PTPRG: variants seen among roughly 807,000 people sequenced by gnomAD.
PTPRG encodes receptor-type tyrosine-protein phosphatase gamma.
Under a neutral mutation model 165.3 loss-of-function variants are expected in PTPRG, and 102 were observed. The ratio of observed to expected loss-of-function variants is 0.62; its 90% CI spans 0.53 to 0.73. The LOEUF (loss-of-function observed/expected upper bound fraction) is 0.73, where lower values mean the gene tolerates loss of function less well. Ranked by LOEUF, PTPRG falls within the 30% of genes least tolerant of loss-of-function variation. PTPRG has a pLI of 0.00. For synonymous variants in PTPRG, 675 were observed against 669.5 expected (o/e 1.01, Z -0.13); for missense variants, 1,866 against 1,861.4 (o/e 1.00, Z -0.05).
Position 62,262,805 on chromosome 3 carries a change from A to G in PTPRG, c.2567A>G (p.Gln856Arg), listed in dbSNP as rs1576191169. 2 of 1,611,780 alleles carry G rather than the reference A, an allele frequency of 1.2e-6. No homozygotes were observed. The highest frequency in any genetic ancestry group is 1.1e-5 in the South Asian group (1 of 90,712). ...HGFSEDFEEVQRCTADMNITA... is the reference protein window; with the variant it reads ...HGFSEDFEEVRRCTADMNITA... ...TGCTGTTTTCTTCACTAGGAAGTCC[A>G]GCGCTGTACTGCTGATATGAACATC... The change falls in exon 17 of 30, where the codon CAG (glutamine) becomes CGG (arginine). Residue 856 changes from glutamine to arginine, a missense_variant. Transcript: ENST00000474889.
chr3:61,963,490 C>T (rs980053786), intron 2 of PTPRG, among the ~76,000 whole-genome samples: 7 of 152,082 alleles, frequency 4.6e-5, no homozygotes, highest in African/African-American at 9.7e-5. Context: ...TGCTTTTATA[C>T]TTGCGGATGC....
chr3:62,096,251 T>C (rs540945463), intron 5 of PTPRG, among the ~76,000 whole-genome samples: 11 of 152,284 alleles, frequency 7.2e-5, no homozygotes, highest in African/African-American at 2.6e-4. Flanking sequence ...AGCATGCATT[T>C]GAACCAACTT....
intron 1 of PTPRG, among the ~76,000 whole-genome samples, chr3:61,708,848 T>C (rs551628628): frequency 2.0e-5 from 3 of 152,342 alleles, no homozygotes; most frequent in East Asian, 1.9e-4. Context: ...TGGAAACTTA[T>C]ATTTCATGTG....
intron 1 of PTPRG, chr3:61,742,523 T>C: frequency 6.3e-7 from 1 of 1,598,500 alleles, no homozygotes; most frequent in Non-Finnish European, 8.5e-7. Flanking sequence ...TGCCAGTTTT[T>C]CTTGAGCAAT....
intron 4 of PTPRG, among the ~76,000 whole-genome samples, chr3:62,039,219 G>A (rs1700048029): frequency 6.6e-6 from 1 of 151,344 alleles, no homozygotes; most frequent in Non-Finnish European, 1.5e-5. Context: ...ATAAGCGTGA[G>A]CCACCACCCC....
chr3:61,568,090 G>T (rs1376841657), intron 1 of PTPRG, among the ~76,000 whole-genome samples: 1 of 151,872 alleles, frequency 6.6e-6, no homozygotes, highest in African/African-American at 2.4e-5. Context: ...AACTATACTT[G>T]TGTAAAAAAG....
At chr3:61,899,408 A>T (rs1559677232) in intron 2 of PTPRG, among the ~76,000 whole-genome samples, 1 of 152,178 alleles carries the variant, frequency 6.6e-6, no homozygotes, top group Non-Finnish European at 1.5e-5. Flanking sequence ...TCAGGAAAAA[A>T]TCCAAAATGA....
chr3:61,859,567 A>C (rs188245471), intron 2 of PTPRG, among the ~76,000 whole-genome samples: 2 of 151,152 alleles, frequency 1.3e-5, no homozygotes, highest in East Asian at 3.9e-4. Context: ...GACAATTGAC[A>C]CAAGGAGAGT....
chr3:61,957,033 G>C (rs1375434590), intron 2 of PTPRG, among the ~76,000 whole-genome samples: 1 of 152,122 alleles, frequency 6.6e-6, no homozygotes, highest in East Asian at 1.9e-4. Flanking sequence ...TCTTTCCCTT[G>C]TATCACTAAA....
At chr3:62,232,097 A>T (rs1017920860) in intron 14 of PTPRG, among the ~76,000 whole-genome samples, 2 of 152,166 alleles carry the variant, frequency 1.3e-5, no homozygotes, top group Non-Finnish European at 2.9e-5. Context: ...TCAATGAACC[A>T]ATTTATAGGA....
Position 62,003,492 on chromosome 3 carries a change from G to T in PTPRG, c.514G>T (p.Val172Phe). The T allele has an allele frequency of 6.2e-7, 1 of 1,613,712 alleles. No individual in the cohort carries two copies. Among genetic ancestry groups the T allele is most frequent in the Non-Finnish European group, 8.5e-7 (1 of 1,179,830 alleles). Residue 172 changes from valine (V) to phenylalanine (F), a missense_variant, in exon 4 of 30, where the codon GTT becomes TTT. Transcript: ENST00000474889. ...EHSINGRRFP[V>F]EMQIFFYNPD... ...CAGCATCAATGGCAGGAGGTTTCCTGTTGAGGTGAGAGAAAGTCAAGATCT... is the reference window on the plus strand; with the variant it reads ...CAGCATCAATGGCAGGAGGTTTCCTTTTGAGGTGAGAGAAAGTCAAGATCT...
chr3:62,261,629 G>T (rs1277634182), intron 16 of PTPRG, among the ~76,000 whole-genome samples: 1 of 149,536 alleles, frequency 6.7e-6, no homozygotes, highest in Non-Finnish European at 1.5e-5. Context: ...CAGCTGGGAA[G>T]GACTATAATT....
intron 2 of PTPRG, among the ~76,000 whole-genome samples, chr3:61,965,018 G>A (rs560094447): frequency 2.0e-5 from 3 of 152,190 alleles, no homozygotes; most frequent in African/African-American, 4.8e-5. Context: ...CAAGGTGGGC[G>A]GATCACCTGA....
chr3:61,671,947 C>T (rs1194412353), intron 1 of PTPRG, among the ~76,000 whole-genome samples: 2 of 139,178 alleles, frequency 1.4e-5, no homozygotes. Context: ...GGCGGAGATG[C>T]TCCTCACTTC....
At chr3:61,866,709 C>A (rs911676494) in intron 2 of PTPRG, among the ~76,000 whole-genome samples, 6 of 148,270 alleles carry the variant, frequency 4.0e-5, no homozygotes, top group Non-Finnish European at 3.0e-5. Context: ...AGCGATTCTC[C>A]TGCCTCCGCC....
At chr3:61,894,224 C>A (rs1163878440) in intron 2 of PTPRG, among the ~76,000 whole-genome samples, 1 of 135,078 alleles carries the variant, frequency 7.4e-6, no homozygotes, top group Admixed American at 8.8e-5. Flanking sequence ...ATTGCTTGAA[C>A]CTGGAAGGTG....
chr3:61,677,668 T>G (rs1040249924), intron 1 of PTPRG, among the ~76,000 whole-genome samples: 1 of 152,226 alleles, frequency 6.6e-6, no homozygotes, highest in Non-Finnish European at 1.5e-5. Context: ...TAGCTAAATT[T>G]TGCCGATTTT....
At chr3:62,290,703 G>T (rs1446710681) in intron 28 of PTPRG, among the ~76,000 whole-genome samples, 1 of 152,006 alleles carries the variant, frequency 6.6e-6, no homozygotes, top group Admixed American at 6.6e-5. Context: ...AGAAGTGCTG[G>T]GACAACTGGT....
chr3:61,630,807 C>G (rs1358870933), intron 1 of PTPRG, among the ~76,000 whole-genome samples: 1 of 152,008 alleles, frequency 6.6e-6, no homozygotes, highest in African/African-American at 2.4e-5. Context: ...CCTGTAATCC[C>G]AGCACTTTGG....
Sources: allele counts gnomAD v4.1 joint callset (sites outside exome capture counted in the v4.1 genomes callset), GRCh38; gene constraint gnomAD v4.1.1; transcripts MANE v1.5; gene names NCBI Gene and HGNC (gene_info 2026-07-23, HGNC 2026-07-21).